MTMR3: variants seen among roughly 807,000 people sequenced by gnomAD.
The protein encoded by MTMR3 is phosphatidylinositol-3,5-bisphosphate 3-phosphatase MTMR3.
A neutral mutation model predicts 132.4 loss-of-function variants in MTMR3; 32 were observed. The ratio of observed to expected loss-of-function variants is 0.24; its 90% confidence interval spans 0.18 to 0.32. The LOEUF (loss-of-function observed/expected upper bound fraction) is 0.32. Ranked by LOEUF, MTMR3 falls within the 10% of genes least tolerant of loss-of-function variation. The pLI is 1.00. For synonymous variants in MTMR3, 556 were observed against 550.3 expected (o/e 1.01, Z -0.14); for missense variants, 1,216 against 1,489.6 (o/e 0.82, Z 3.02).
chr22:30,018,093 C>T, intron 16 of MTMR3, 21 bp downstream of exon 16: 1 of 1,579,882 alleles, frequency 6.3e-7, no homozygotes, highest in Non-Finnish European at 8.6e-7. Context: ...GGTGATGCCA[C>T]AGGCCTGACA....
At chr22:30,014,361 C>G (rs947061421) in intron 14 of MTMR3, 1 of 152,284 alleles carries the variant, frequency 6.6e-6, no homozygotes, top group African/African-American at 2.4e-5. Context: ...TTTAACCACT[C>G]CTTCCTTGAA....
rs138115480 is a variant in MTMR3, at chr22:30,020,412, C to G, written c.2753C>G (p.Pro918Arg). 1 of 1,614,216 alleles carries G rather than the reference C, an allele frequency of 6.2e-7. No individual in the cohort carries two copies. Among genetic ancestry groups the G allele is most frequent in the Non-Finnish European group, 8.5e-7 (1 of 1,180,040 alleles). Residue 918 changes from proline to arginine, a missense_variant, in exon 17 of 20, where the codon CCT becomes CGT. Pro to Arg is a moderately radical substitution (Grantham distance 103). Around this residue, in one of 7 missense-constraint regions of MTMR3, gnomAD observed 852 missense variants for 852.0 expected, o/e 1.00. Transcript: ENST00000401950. Reference protein sequence around the residue: ...LSLTRSPCALPLAECKEGLVC... With the variant: ...LSLTRSPCALRLAECKEGLVC... ...CTGACACGTTCCCCTTGTGCCTTGCCTTTAGCCGAATGTAAAGAGGGGCTT... is the reference window on the plus strand; with the variant it reads ...CTGACACGTTCCCCTTGTGCCTTGCGTTTAGCCGAATGTAAAGAGGGGCTT...
In MTMR3 at chr22:30,002,898, T is replaced by C. The variant is rs774223450; in HGVS notation, c.576T>C (p.Pro192=). 9 of 1,613,884 alleles carry C rather than the reference T, an allele frequency of 5.6e-6. No individual in the cohort carries two copies. Among genetic ancestry groups the C allele is most frequent in the Middle Eastern group, 1.6e-4 (1 of 6,062 alleles). The change falls in exon 9 of 20, where the codon CCT becomes CCC. Residue 192 remains proline, a synonymous_variant. Coordinates refer to ENST00000401950, the MANE Select transcript of MTMR3 (RefSeq NM_021090.4). ...NEKYKLCGSY[P]QELIVPAWIT... ...TCTTTAGATTATGTGGTAGCTATCCTCAAGAGCTCATAGTGCCTGCCTGGA... is the reference window on the plus strand; with the variant it reads ...TCTTTAGATTATGTGGTAGCTATCCCCAAGAGCTCATAGTGCCTGCCTGGA...
intron 19 of MTMR3, chr22:30,024,960 GTGAGCCATAAT>G (rs571846465): frequency 1.3e-5 from 2 of 153,038 alleles, no homozygotes; most frequent in East Asian, 3.9e-4. Context: ...GGGTCGGGGA[GTGAGCCATAAT>G]TGACTGACAC....
At chr22:29,949,014 C>T (rs1027024081) in intron 1 of MTMR3, among the ~76,000 whole-genome samples, 3 of 151,486 alleles carry the variant, frequency 2.0e-5, no homozygotes, top group African/African-American at 7.3e-5. Context: ...GAGAGGATCG[C>T]TTGAGCCTGA....
intron 9 of MTMR3, 166 bp from the exon 10 acceptor site, chr22:30,006,948 T>G: frequency 1.6e-6 from 1 of 639,376 alleles, no homozygotes; most frequent in Non-Finnish European, 2.7e-6. Context: ...TTGTTTGTTC[T>G]TGTTGGTTGT....
chr22:29,964,618 G>GT (rs1227869647), intron 2 of MTMR3, among the ~76,000 whole-genome samples: 1 of 152,052 alleles, frequency 6.6e-6, no homozygotes, highest in Non-Finnish European at 1.5e-5. Flanking sequence ...ACCTAAACCT[G>GT]TGAGTTACAC....
At chr22:29,975,322 TAACATTTTTTG>T (rs2066609350) in intron 3 of MTMR3, among the ~76,000 whole-genome samples, 1 of 152,202 alleles carries the variant, frequency 6.6e-6, no homozygotes, top group African/African-American at 2.4e-5. Flanking sequence ...GTAGCATAAA[TAACATTTTTTG>T]ATGAAAAATA....
Position 29,886,458 on chromosome 22 carries a change from A to G in MTMR3, c.-138+3099A>G, listed in dbSNP as rs564510660. 2.6e-4 allele frequency among the ~76,000 whole-genome samples: 40 copies of G among 152,348 alleles called. No individual in the cohort carries two copies. In the South Asian group the frequency reaches 8.1e-3, roughly 31 times the overall value. On this transcript the variant is annotated intron_variant, in intron 1 of 19. Coordinates refer to ENST00000401950, the MANE Select transcript of MTMR3 (RefSeq NM_021090.4). ...AGTGGGAAGTTCTGGATTGACAGAC[A>G]TATATTCTGATTCCATCTGTGTCAT...
intron 6 of MTMR3, chr22:29,989,068 G>C (rs2145905570): frequency 6.6e-6 from 1 of 152,292 alleles, no homozygotes; most frequent in South Asian, 2.1e-4. Context: ...TACTATACAT[G>C]TTCCAATTTT....
intron 19 of MTMR3, chr22:30,023,647 G>A (rs1342730316): frequency 1.3e-6 from 1 of 778,202 alleles, no homozygotes; most frequent in Admixed American, 2.1e-5. Flanking sequence ...CAGCTGAGGA[G>A]AGGCCATCGA....
chr22:30,020,942 G>T, intron 17 of MTMR3, 58 bp downstream of exon 17: 1 of 1,485,812 alleles, frequency 6.7e-7, no homozygotes, highest in Non-Finnish European at 9.0e-7. Flanking sequence ...GCTGAGGCTG[G>T]GTGCCCTTTG....
At chr22:29,958,007 G>A (rs1286035292) in intron 2 of MTMR3, among the ~76,000 whole-genome samples, 2 of 150,944 alleles carry the variant, frequency 1.3e-5, no homozygotes, top group Non-Finnish European at 1.5e-5. Context: ...ATATATATAT[G>A]TATGTAGTTT....
intron 2 of MTMR3, among the ~76,000 whole-genome samples, chr22:29,969,346 G>A (rs1190696874): frequency 6.6e-6 from 1 of 151,872 alleles, no homozygotes; most frequent in African/African-American, 2.4e-5. Flanking sequence ...AAATCCTATG[G>A]GCAGTATTTT....
intron 1 of MTMR3, among the ~76,000 whole-genome samples, chr22:29,944,045 G>C (rs9680809): frequency 0.16 from 24,355 of 151,500 alleles, 2,071 homozygotes; most frequent in South Asian, 0.24. Context: ...TCTCGAACTT[G>C]TGAGCTCAGG....
At chr22:30,006,432 G>A (rs943251654) in intron 9 of MTMR3, 1 of 152,164 alleles carries the variant, frequency 6.6e-6, no homozygotes, top group African/African-American at 2.4e-5. Flanking sequence ...TCCCAGAGGC[G>A]GGCTCTTGGT....
intron 3 of MTMR3, among the ~76,000 whole-genome samples, chr22:29,972,681 G>A (rs1189068124): frequency 6.6e-6 from 1 of 151,996 alleles, no homozygotes; most frequent in African/African-American, 2.4e-5. Context: ...AGCGATTCTT[G>A]TGCCTCGGCC....
At chr22:29,912,753 T>G (rs2065238374) in intron 1 of MTMR3, among the ~76,000 whole-genome samples, 1 of 152,200 alleles carries the variant, frequency 6.6e-6, no homozygotes, top group South Asian at 2.1e-4. Flanking sequence ...GCAGAGAATA[T>G]GAAGGACTTT....
intron 1 of MTMR3, among the ~76,000 whole-genome samples, chr22:29,948,883 T>C (rs931080894): frequency 1.3e-5 from 2 of 150,808 alleles, no homozygotes; most frequent in African/African-American, 4.9e-5. Flanking sequence ...GGCAGGAGGA[T>C]TGCTTGAGCC....
Sources: gnomAD v4.1 joint callset for allele counts (sites outside exome capture counted in the v4.1 genomes callset) on GRCh38, gnomAD v4.1.1 for gene constraint, gnomAD v4.1.1 regional missense constraint, MANE v1.5 for transcripts, NCBI Gene and HGNC (gene_info 2026-07-23, HGNC 2026-07-21) for gene names.